Variants in PRMT8 observed in about 807,000 individuals in gnomAD.
PRMT8 encodes protein arginine N-methyltransferase 8.
A neutral mutation model predicts 47.1 loss-of-function variants in PRMT8; 7 were observed. The ratio of observed to expected loss-of-function variants is 0.15; its 90% CI spans 0.08 to 0.28. PRMT8 has a LOEUF of 0.28. Ranked by LOEUF, PRMT8 falls within the 10% of genes least tolerant of loss-of-function variation. The pLI is 1.00. For missense variants in PRMT8, 237 were observed against 505.4 expected (o/e 0.47, Z 5.09); for synonymous variants, 188 against 186.5 (o/e 1.01, Z -0.07).
At chr12:3,427,649 A>G (rs1427365551) in intron 1 of PRMT8, among the ~76,000 whole-genome samples, 1 of 151,950 alleles carries the variant, frequency 6.6e-6, no homozygotes, top group Non-Finnish European at 1.5e-5. Flanking sequence ...TTTAAATTAT[A>G]TAACATTTCT....
At chr12:3,484,308 G>A (rs7974682) in intron 1 of PRMT8, among the ~76,000 whole-genome samples, 14,607 of 152,218 alleles carry the variant, frequency 0.096, 751 homozygotes, top group African/African-American at 0.11. Context: ...AGGAGGATGC[G>A]GGGTTTGTCT....
In PRMT8 at chr12:3,538,626, G is replaced by T. The variant is rs573535431; in HGVS notation, c.76-1980G>T. 3.9e-6 allele frequency: 2 copies of T among 519,006 alleles called. No homozygotes were observed. The highest frequency in any genetic ancestry group is 3.9e-5 in the Admixed American group (2 of 51,606). The allele number at this position is 519,006 out of a possible 1,614,324, so 32.2% of individuals were successfully genotyped here. A position where few individuals can be genotyped will look rare whatever the true frequency, so the allele number is the denominator to read the frequency against. On this transcript the variant is annotated intron_variant, in intron 1 of 9. Coordinates refer to ENST00000382622, the MANE Select transcript of PRMT8 (RefSeq NM_019854.5). The surrounding 1 kb of genome is among the most constrained non-coding windows in gnomAD (Gnocchi z 4.6). ...CATGCACAATGCCCAGACCAGCTCC[G>T]ACTTTTTCCTCTCCTTCACATATTT...
chr12:3,585,258 A>G (rs547661140), intron 8 of PRMT8, among the ~76,000 whole-genome samples: 7 of 145,716 alleles, frequency 4.8e-5, no homozygotes, highest in Admixed American at 4.1e-4. Context: ...GAGTAGTTGT[A>G]TGTCTAGTAG....
chr12:3,553,304 G>A (rs939276479), intron 3 of PRMT8: 21 of 336,694 alleles, frequency 6.2e-5, no homozygotes, highest in Middle Eastern at 1.8e-3. Context: ...CTGCCTTCCC[G>A]CGTCCCCCAC....
rs1284672340 is a variant in PRMT8 at position 3,538,100 on chromosome 12, C to T, written c.76-2506C>T. The stretch of plus-strand genomic sequence containing the variant: ...CCAAACAAACTCACTGCTCTCCCGC[C>T]TTTTGGTTGCTCAAGCCGTCTCTTC... On this transcript the variant is annotated intron_variant, in intron 1 of 9. Coordinates refer to ENST00000382622, the MANE Select transcript of PRMT8 (RefSeq NM_019854.5). The surrounding 1 kb of genome is among the most constrained non-coding windows in gnomAD (Gnocchi z 4.6). 6.6e-6 allele frequency: 1 copy of T among 152,546 alleles called. No individual in the cohort carries two copies. Among genetic ancestry groups the T allele is most frequent in the Non-Finnish European group, 1.5e-5 (1 of 68,304 alleles). 9.4% of individuals were successfully genotyped at this position (152,546 alleles called of 1,614,324 possible). A position where few individuals can be genotyped will look rare whatever the true frequency, so the allele number is the denominator to read the frequency against.
At chr12:3,396,549 C>A (rs1202828063) in intron 1 of PRMT8, among the ~76,000 whole-genome samples, 2 of 152,248 alleles carry the variant, frequency 1.3e-5, no homozygotes, top group Non-Finnish European at 2.9e-5. Flanking sequence ...CCCTCACTCT[C>A]TTCTGGCTTG....
chr12:3,558,267 T>C (rs1866562369), intron 4 of PRMT8, among the ~76,000 whole-genome samples: 1 of 150,546 alleles, frequency 6.6e-6, no homozygotes, highest in African/African-American at 2.5e-5. Flanking sequence ...TCCTCCCCTT[T>C]CCCTTCTTTA....
intron 1 of PRMT8, among the ~76,000 whole-genome samples, chr12:3,518,585 C>G (rs1006606561): frequency 2.0e-5 from 3 of 152,070 alleles, no homozygotes; most frequent in Non-Finnish European, 2.9e-5. Context: ...AAAACGGCAT[C>G]CTCCCAGGCA....
chr12:3,430,887 A>G (rs148214851), intron 1 of PRMT8, among the ~76,000 whole-genome samples: 82 of 152,296 alleles, frequency 5.4e-4, no homozygotes, highest in African/African-American at 1.9e-3. Context: ...ACAATCTAAT[A>G]CAGCATCAGC....
chr12:3,573,141 G>T (rs893120032), intron 6 of PRMT8, among the ~76,000 whole-genome samples: 2 of 151,922 alleles, frequency 1.3e-5, no homozygotes, highest in Admixed American at 1.3e-4. Context: ...GTTTGATATT[G>T]TCCTATGGAG....
chr12:3,561,513 A>T (rs1165752919), intron 4 of PRMT8, among the ~76,000 whole-genome samples: 1 of 152,160 alleles, frequency 6.6e-6, no homozygotes, highest in Non-Finnish European at 1.5e-5. Context: ...CCTGCAGATG[A>T]TCACTCTCCT....
chr12:3,472,446 G>A (rs904727115), intron 1 of PRMT8, among the ~76,000 whole-genome samples: 1 of 152,248 alleles, frequency 6.6e-6, no homozygotes, highest in East Asian at 1.9e-4. Context: ...GGGTAAAGGT[G>A]CTTGGCTTTG....
chr12:3,438,478 G>A (rs1022718107), intron 1 of PRMT8, among the ~76,000 whole-genome samples: 10 of 152,184 alleles, frequency 6.6e-5, no homozygotes, highest in Non-Finnish European at 1.3e-4. Context: ...TTCCCTTCCC[G>A]CCATGATATC....
At chr12:3,475,053 G>A (rs544753066) in intron 1 of PRMT8, among the ~76,000 whole-genome samples, 39 of 152,304 alleles carry the variant, frequency 2.6e-4, no homozygotes, top group Non-Finnish European at 4.9e-4. Flanking sequence ...GCAGCATGGT[G>A]ACCTGTAGAA....
At chr12:3,556,546 G>A (rs995786270) in intron 4 of PRMT8, among the ~76,000 whole-genome samples, 1 of 152,110 alleles carries the variant, frequency 6.6e-6, no homozygotes, top group African/African-American at 2.4e-5. Context: ...GGCTCAATGT[G>A]GGGCTGGGAG....
chr12:3,455,315 G>A (rs974660228), intron 1 of PRMT8, among the ~76,000 whole-genome samples: 3 of 152,196 alleles, frequency 2.0e-5, no homozygotes, highest in African/African-American at 7.2e-5. Flanking sequence ...CTTTGTGGCT[G>A]CAGATTGGAA....
chr12:3,559,374 G>A (rs992024251), intron 4 of PRMT8, among the ~76,000 whole-genome samples: 4 of 152,160 alleles, frequency 2.6e-5, no homozygotes, highest in African/African-American at 7.2e-5. Flanking sequence ...AACTAAGGTC[G>A]GGGCTAGATG....
intron 6 of PRMT8, among the ~76,000 whole-genome samples, chr12:3,573,167 T>A (rs1866880535): frequency 6.6e-6 from 1 of 152,202 alleles, no homozygotes; most frequent in Non-Finnish European, 1.5e-5. Context: ...ATCCTCTATT[T>A]TTTTCACCCC....
intron 1 of PRMT8, among the ~76,000 whole-genome samples, chr12:3,519,763 A>G (rs1482777887): frequency 6.6e-6 from 1 of 152,154 alleles, no homozygotes; most frequent in African/African-American, 2.4e-5. Flanking sequence ...GGGCCAGCAA[A>G]TGGTGAGAAA....
Sources: gnomAD v4.1 joint callset for allele counts (sites outside exome capture counted in the v4.1 genomes callset) on GRCh38, gnomAD v4.1.1 for gene constraint, Gnocchi (gnomAD v3.1) non-coding constraint, MANE v1.5 for transcripts, NCBI Gene and HGNC (gene_info 2026-07-23, HGNC 2026-07-21) for gene names.